The following DICER1 variants were observed in gnomAD, a reference collection of about 807,000 sequenced individuals.
DICER1 encodes the protein endoribonuclease Dicer.
DICER1 carries 43 observed loss-of-function variants against 194.1 expected under a neutral mutation model. The ratio of observed to expected loss-of-function variants is 0.22; its 90% CI spans 0.17 to 0.29. DICER1 has a LOEUF of 0.29. Among genes scored for constraint, DICER1 ranks in the 10% least tolerant of loss-of-function variants. The pLI is 1.00. For missense variants in DICER1, 1,608 were observed against 2,317.0 expected (o/e 0.69, Z 6.28); for synonymous variants, 832 against 820.5 (o/e 1.01, Z -0.24).
chr14:95,138,071 C>T (rs921689015), intron 1 of DICER1: 3 of 154,426 alleles, frequency 1.9e-5, no homozygotes, highest in African/African-American at 4.8e-5. Context: ...GGTTTCACCT[C>T]AAGACACCAA....
chr14:95,113,843 C>T (rs550767978), intron 11 of DICER1, among the ~76,000 whole-genome samples: 11 of 152,306 alleles, frequency 7.2e-5, no homozygotes, highest in African/African-American at 2.6e-4. Context: ...TGTGAGGTTG[C>T]GACCTGTGCA....
In DICER1 at chr14:95,103,382, C is replaced by A. The variant is rs143454689; in HGVS notation, c.4014G>T (p.Ala1338=). ...TTYLFCTYPD[A]HEGRLSYMRS... ...TCATATATGAAAGGCGGCCCTCATGCGCATCAGGGTAAGTGCAAAATAGAT... is the reference window on the plus strand; with the variant it reads ...TCATATATGAAAGGCGGCCCTCATGAGCATCAGGGTAAGTGCAAAATAGAT... Residue 1338 remains alanine, a synonymous_variant, in exon 21 of 27, where the codon GCG becomes GCT. Transcript: ENST00000343455. 2.7e-5 allele frequency: 44 copies of A among 1,614,064 alleles called. No homozygotes were observed. Among genetic ancestry groups the A allele is most frequent in the Non-Finnish European group, 3.7e-5 (44 of 1,180,038 alleles).
intron 1 of DICER1, among the ~76,000 whole-genome samples, chr14:95,154,044 G>A (rs1895687105): frequency 6.6e-6 from 1 of 152,156 alleles, no homozygotes; most frequent in Admixed American, 6.5e-5. Flanking sequence ...AACAAAATAA[G>A]TCACTTGGCT....
At chr14:95,136,332 T>C (rs1230003775) in intron 1 of DICER1, among the ~76,000 whole-genome samples, 1 of 152,160 alleles carries the variant, frequency 6.6e-6, no homozygotes, top group Non-Finnish European at 1.5e-5. Context: ...CAACTCAGCG[T>C]GGTCTCAGTC....
intron 22 of DICER1, 33 bp from the exon 23 acceptor site, chr14:95,096,746 A>G: frequency 1.9e-6 from 3 of 1,566,486 alleles, no homozygotes; most frequent in Non-Finnish European, 2.6e-6. Flanking sequence ...AGGAGGGGAA[A>G]CATAGCTGCT....
Position 95,155,649 on chromosome 14 carries a change from G to A in DICER1, c.-46+1581C>T, listed in dbSNP as rs187078681. 2.0e-4 allele frequency among the ~76,000 whole-genome samples: 30 copies of A among 152,284 alleles called. No individual in the cohort carries two copies. In the East Asian group the frequency reaches 4.8e-3, roughly 24 times the overall value. The stretch of plus-strand genomic sequence containing the variant: ...GATGGAAGCATAAAAAGTAAAGCAG[G>A]CCCTTACTAAAAAGGATTGTAGGAA... On this transcript the variant is annotated intron_variant, in intron 1 of 26. Transcript: ENST00000343455.
intron 22 of DICER1, 80 bp downstream of exon 22, chr14:95,099,700 T>C: frequency 2.0e-6 from 3 of 1,528,478 alleles, no homozygotes; most frequent in South Asian, 2.5e-5. Flanking sequence ...AAACAAATTA[T>C]TTGGCTCACC....
At chr14:95,110,521 A>AT (rs535800625) in intron 14 of DICER1, among the ~76,000 whole-genome samples, 100 of 150,254 alleles carry the variant, frequency 6.7e-4, no homozygotes, top group African/African-American at 2.3e-3. Context: ...GCTGGGAACG[A>AT]TTTTTTTTTT....
intron 24 of DICER1, 32 bp downstream of exon 24, chr14:95,093,856 C>CT: frequency 1.9e-6 from 3 of 1,613,504 alleles, no homozygotes; most frequent in Non-Finnish European, 2.5e-6. Context: ...AGTTAGACCA[C>CT]TTTTTTCAAC....
At chr14:95,090,696 T>G in intron 26 of DICER1, 33 bp from the exon 27 acceptor site, 1 of 1,612,142 alleles carries the variant, frequency 6.2e-7, no homozygotes, top group Non-Finnish European at 8.5e-7. Flanking sequence ...GAATTAGAAG[T>G]CAGAAGTATT....
In DICER1 at chr14:95,117,774, T is replaced by C. The variant is rs1379083455; in HGVS notation, c.1377-20A>G. ...ATCAATCTAAGAAAATTATACACAT[T>C]TGGAAGTTAAACGTTGCTGAAAGAA... On this transcript the variant is annotated intron_variant, in intron 8 of 26. Coordinates refer to ENST00000343455, the MANE Select transcript of DICER1 (RefSeq NM_177438.3). The C allele has an allele frequency of 1.2e-6, 2 of 1,612,804 alleles. No homozygotes were observed. The highest frequency in any genetic ancestry group is 1.7e-6 in the Non-Finnish European group (2 of 1,179,094).
chr14:95,104,085 C>CT lies in DICER1; in HGVS notation c.3310dup (p.Ser1104LysfsTer9). The CT allele has an allele frequency of 6.2e-7, 1 of 1,613,906 alleles. No homozygotes were observed. The highest frequency in any genetic ancestry group is 8.5e-7 in the Non-Finnish European group (1 of 1,179,962). Reference sequence around the variant, plus strand: ...GTTAGAAATTGAGATGAAAGATTTGCTGTCAATAGATTTTTTCCACCCGAA... The same window carrying CT: ...GTTAGAAATTGAGATGAAAGATTTGCTTGTCAATAGATTTTTTCCACCCGAA... On this transcript the variant is annotated frameshift_variant, in exon 21 of 27. Transcript: ENST00000343455. LOFTEE classifies it high-confidence loss of function.
Position 95,108,086 on chromosome 14 carries a change from T to G in DICER1, c.2444A>C (p.His815Pro). 6.2e-7 allele frequency: 1 copy of G among 1,612,190 alleles called. No homozygotes were observed. The change falls in exon 16 of 27, where the codon CAC becomes CCC. Residue 815 changes from histidine to proline, a missense_variant. Coordinates refer to ENST00000343455, the MANE Select transcript of DICER1 (RefSeq NM_177438.3). ...TCCAGAGCGTGTGTACACAGGAAAG[T>G]GTGGAATCTTAGCAAAAGGAAATGT... ...LTAKPIPQIPHFPVYTRSGEV... is the reference protein window; with the variant it reads ...LTAKPIPQIPPFPVYTRSGEV...
chr14:95,129,726 A>T, intron 5 of DICER1, 94 bp from the exon 6 acceptor site: 3 of 1,198,486 alleles, frequency 2.5e-6, no homozygotes, highest in Non-Finnish European at 3.6e-6. Context: ...AAAATCACTA[A>T]CAAATAGTAA....
intron 1 of DICER1, among the ~76,000 whole-genome samples, 191 bp downstream of exon 1, chr14:95,157,039 C>T (rs1043193810): frequency 1.3e-5 from 2 of 151,860 alleles, no homozygotes; most frequent in African/African-American, 4.8e-5. Context: ...GGGCAGACGC[C>T]GGGTCCACAG....
rs763583825 is a variant in DICER1 at position 95,099,806 on chromosome 14, T to C, written c.4180A>G (p.Thr1394Ala). Residue 1394 changes from threonine to alanine, a missense_variant, in exon 22 of 27, where the codon ACA (threonine) becomes GCA (alanine). Physicochemically the swap from Thr to Ala is moderately conservative, Grantham distance 58. Around this residue, in one of 10 missense-constraint regions of DICER1, gnomAD observed 164 missense variants for 183.7 expected, o/e 0.89. Coordinates refer to ENST00000343455, the MANE Select transcript of DICER1 (RefSeq NM_177438.3). ...ATTTCATCTTTTTCCCATTTATCTG[T>C]GTTGCTTTTGTCTTGATTTACTACA... ...GYVVNQDKSNTDKWEKDEMTK... is the reference protein window; with the variant it reads ...GYVVNQDKSNADKWEKDEMTK... 1.9e-6 allele frequency: 3 copies of C among 1,613,686 alleles called. No individual in the cohort carries two copies. The African/African-American group carries it at 4.0e-5, about 22-fold the overall frequency.
At chr14:95,146,695 C>T (rs1895157841) in intron 1 of DICER1, among the ~76,000 whole-genome samples, 1 of 152,198 alleles carries the variant, frequency 6.6e-6, no homozygotes, top group Non-Finnish European at 1.5e-5. Flanking sequence ...TGAGCCAGAG[C>T]ACAAGCCAGG....
rs982548109 is a variant in DICER1, at chr14:95,132,516, A to G, written c.306T>C (p.Ser102=). Residue 102 remains serine (S), a splice_region_variant and synonymous_variant, in exon 3 of 27, where the codon TCT becomes TCC. Coordinates refer to ENST00000343455, the MANE Select transcript of DICER1 (RefSeq NM_177438.3). ...NGKRTVFLVN[S]ANQVAQQVSA... is the part of the protein sequence containing the mutation. ...CTTGATAAAATAATTTTTTATTACC[A>G]GAGTTGACCAAGAACACCGTCCTTT... 5.0e-6 allele frequency: 8 copies of G among 1,613,938 alleles called. No homozygotes were observed. The highest frequency in any genetic ancestry group is 1.7e-4 in the Middle Eastern group (1 of 6,058).
intron 21 of DICER1, among the ~76,000 whole-genome samples, chr14:95,102,169 T>C (rs1365788721): frequency 1.3e-5 from 2 of 152,194 alleles, no homozygotes; most frequent in Admixed American, 6.5e-5. Flanking sequence ...CACTTTTAAA[T>C]TGTTAGCTAA....
Sources: allele counts gnomAD v4.1 joint callset (sites outside exome capture counted in the v4.1 genomes callset), GRCh38; gene constraint gnomAD v4.1.1; regional missense constraint gnomAD v4.1.1; transcripts MANE v1.5; gene names NCBI Gene and HGNC (gene_info 2026-07-23, HGNC 2026-07-21).